The following PRIM2 variants were observed in gnomAD, a reference collection of about 807,000 sequenced individuals.
PRIM2 encodes DNA primase large subunit.
PRIM2 carries 39 observed loss-of-function variants against 67.3 expected under a neutral mutation model. The observed-to-expected ratio is 0.58, with a 90% CI of 0.45 to 0.76. The LOEUF is 0.76. Among genes scored for constraint, PRIM2 ranks in the 30% least tolerant of loss-of-function variants. The probability of loss-of-function intolerance (pLI) is 0.00; values close to 1 mark genes in which losing one functional copy is unlikely to be tolerated. For synonymous variants in PRIM2, 143 were observed against 198.7 expected, an observed-to-expected ratio of 0.72 and a Z score of 2.36; for missense variants, 398 against 598.7, an observed-to-expected ratio of 0.66 and a Z score of 3.50.
intron 7 of PRIM2, among the ~76,000 whole-genome samples, chr6:57,449,443 T>G (rs1386483404): frequency 6.6e-6 from 1 of 152,150 alleles, no homozygotes; most frequent in Non-Finnish European, 1.5e-5. Flanking sequence ...TCAGGATTAT[T>G]CAATTATTTT....
chr6:57,240,905 A>C, the PRIM2 span, among the ~76,000 whole-genome samples: 5 of 152,020 alleles, frequency 3.3e-5, no homozygotes, highest in Non-Finnish European at 7.4e-5. Flanking sequence ...CTTGGGCAAC[A>C]CAGCAAGACC....
the PRIM2 span, among the ~76,000 whole-genome samples, chr6:57,299,016 C>T: frequency 6.6e-6 from 1 of 152,022 alleles, no homozygotes; most frequent in Non-Finnish European, 1.5e-5. Context: ...TACTTACTAG[C>T]CCTACTACTG....
chr6:57,318,198 C>T (rs1442880562), intron 1 of PRIM2, among the ~76,000 whole-genome samples: 3 of 152,132 alleles, frequency 2.0e-5, no homozygotes, highest in Non-Finnish European at 4.4e-5. Context: ...TTAGGATCAC[C>T]ACCTGCATCT....
chr6:57,514,663 A>G (rs1178546228), intron 8 of PRIM2, among the ~76,000 whole-genome samples: 2 of 152,062 alleles, frequency 1.3e-5, no homozygotes, highest in African/African-American at 4.8e-5. Flanking sequence ...ATTTTTTCAC[A>G]TCTGTATGGA....
chr6:57,543,218 C>T (rs1162586682), intron 10 of PRIM2, among the ~76,000 whole-genome samples: 1 of 151,904 alleles, frequency 6.6e-6, no homozygotes, highest in African/African-American at 2.4e-5. Flanking sequence ...GGATTACAGG[C>T]GTGAGCCACC....
At chr6:57,431,596 A>G (rs1427953899) in intron 7 of PRIM2, among the ~76,000 whole-genome samples, 1 of 152,138 alleles carries the variant, frequency 6.6e-6, no homozygotes, top group Non-Finnish European at 1.5e-5. Flanking sequence ...ACAGTGAGCA[A>G]TGATAGTGTC....
intron 6 of PRIM2, among the ~76,000 whole-genome samples, chr6:57,381,430 T>C (rs907927383): frequency 1.3e-5 from 2 of 151,664 alleles, no homozygotes; most frequent in South Asian, 2.1e-4. Context: ...TCTCTTAGAA[T>C]TTTAAGATTG....
chr6:57,486,797 G>A (rs1773762733), intron 7 of PRIM2, among the ~76,000 whole-genome samples: 4 of 152,374 alleles, frequency 2.6e-5, no homozygotes, highest in Middle Eastern at 6.8e-3. Flanking sequence ...TTGGCTTGGT[G>A]AGATGGATGT....
intron 5 of PRIM2, among the ~76,000 whole-genome samples, chr6:57,369,702 G>A (rs948130033): frequency 5.3e-5 from 8 of 152,162 alleles, no homozygotes; most frequent in African/African-American, 1.9e-4. Context: ...TTTACTTTGT[G>A]AAGCATACTA....
chr6:57,515,853 G>A (rs1433539890), intron 8 of PRIM2, among the ~76,000 whole-genome samples: 2 of 152,160 alleles, frequency 1.3e-5, no homozygotes, highest in Non-Finnish European at 2.9e-5. Context: ...GTCTTGCCAG[G>A]CTAAAATCAA....
chr6:57,598,560 A>C, intron 10 of PRIM2, among the ~76,000 whole-genome samples: 1 of 152,296 alleles, frequency 6.6e-6, no homozygotes, highest in East Asian at 1.9e-4. Flanking sequence ...TTGTTATGCC[A>C]GATGAGTGTC....
Position 57,602,187 on chromosome 6 carries a change from G to A in PRIM2, c.1147+968G>A, listed in dbSNP as rs1776482791. Among the ~76,000 whole-genome samples the A allele has an allele frequency of 1.3e-5, 2 of 151,694 alleles. 1 individual carries two copies. The highest frequency in any genetic ancestry group is 4.1e-4 in the South Asian group (2 of 4,820). ...CAATTCTCCTGCCTCAGCCTCCTGTGTAGCTAGGATTACAGGCACCTGCCA... is the reference window on the plus strand; with the variant it reads ...CAATTCTCCTGCCTCAGCCTCCTGTATAGCTAGGATTACAGGCACCTGCCA... On this transcript the variant is annotated intron_variant, in intron 11 of 13. Transcript: ENST00000615550.
intron 8 of PRIM2, among the ~76,000 whole-genome samples, chr6:57,531,557 AAG>A (rs1774892657): frequency 2.0e-5 from 3 of 152,166 alleles, no homozygotes; most frequent in Non-Finnish European, 2.9e-5. Flanking sequence ...GTGTTGTGTG[AAG>A]GAGGTCAAAC....
At chr6:57,494,198 T>C (rs1773955866) in intron 7 of PRIM2, among the ~76,000 whole-genome samples, 1 of 152,318 alleles carries the variant, frequency 6.6e-6, no homozygotes, top group Non-Finnish European at 1.5e-5. Context: ...CACAGTGGTC[T>C]AGAATCTACA....
chr6:57,311,995 A>G (rs963305062), upstream of PRIM2, among the ~76,000 whole-genome samples: 1 of 117,372 alleles, frequency 8.5e-6, no homozygotes, highest in African/African-American at 3.2e-5. Flanking sequence ...TCCGCAAGAA[A>G]GGGAGACCGT....
chr6:57,298,229 C>T, the PRIM2 span, among the ~76,000 whole-genome samples: 55 of 151,912 alleles, frequency 3.6e-4, no homozygotes, highest in Admixed American at 9.8e-4. Flanking sequence ...GGCATGGTGG[C>T]GGGCACCTGT....
At chr6:57,258,187 C>A in the PRIM2 span, among the ~76,000 whole-genome samples, 1 of 152,226 alleles carries the variant, frequency 6.6e-6, no homozygotes, top group South Asian at 2.1e-4. Flanking sequence ...ACCTAACAAT[C>A]GGGAGTGGCG....
intron 7 of PRIM2, among the ~76,000 whole-genome samples, chr6:57,457,882 G>A (rs376224967): frequency 6.6e-6 from 1 of 152,294 alleles, no homozygotes; most frequent in Admixed American, 6.5e-5. Context: ...CGTTGCTCAC[G>A]CTGGGAGCTA....
chr6:57,550,272 G>C (rs1383387870), intron 10 of PRIM2, among the ~76,000 whole-genome samples: 1 of 152,148 alleles, frequency 6.6e-6, no homozygotes, highest in Non-Finnish European at 1.5e-5. Context: ...GTATAATAAA[G>C]ATATGTGTAT....
Sources: allele counts gnomAD v4.1 joint callset (sites outside exome capture counted in the v4.1 genomes callset), GRCh38; gene constraint gnomAD v4.1.1; transcripts MANE v1.5; gene names NCBI Gene and HGNC (gene_info 2026-07-23, HGNC 2026-07-21).